The following TAF6L variants were observed in gnomAD, a reference collection of about 807,000 sequenced individuals.
TAF6L encodes the protein TAF6-like RNA polymerase II p300/CBP-associated factor-associated factor 65 kDa subunit 6L.
TAF6L carries 34 observed loss-of-function variants against 57.3 expected under a neutral mutation model. That is an observed-to-expected ratio of 0.59 (90% CI 0.45 to 0.79). TAF6L has a LOEUF of 0.79. TAF6L is among the 30% of genes least tolerant of loss of function. The pLI is 0.00. For synonymous variants in TAF6L, 417 were observed against 376.3 expected (o/e 1.11, Z -1.25); for missense variants, 782 against 853.2 (o/e 0.92, Z 1.04).
At chr11:62,778,795 G>C in intron 5 of TAF6L, 74 bp from the exon 6 acceptor site, 4 of 1,266,440 alleles carry the variant, frequency 3.2e-6, no homozygotes, top group East Asian at 2.3e-5. Flanking sequence ...TGGTGGTTGA[G>C]GGGGAGGAGG....
Position 62,786,536 on chromosome 11 carries a change from T to C in TAF6L, c.1109T>C (p.Leu370Pro). ...GAILVAVERL[L>P]KMKAQAAEPN... The stretch of plus-strand genomic sequence containing the variant: ...TTACAGGTGGCGGTAGAGCGACTGC[T>C]GAAGATGAAGGCCCAGGCAGCAGAG... Residue 370 changes from leucine to proline, a missense_variant, in exon 11 of 11, where the codon CTG becomes CCG. Coordinates refer to ENST00000294168, the MANE Select transcript of TAF6L (RefSeq NM_006473.4). 6.4e-7 allele frequency: 1 copy of C among 1,552,228 alleles called. No individual in the cohort carries two copies. Among genetic ancestry groups the C allele is most frequent in the Non-Finnish European group, 8.7e-7 (1 of 1,146,942 alleles).
chr11:62,779,600 A>G (rs957430279), intron 6 of TAF6L, among the ~76,000 whole-genome samples: 2 of 151,928 alleles, frequency 1.3e-5, no homozygotes, highest in Non-Finnish European at 2.9e-5. Context: ...TGTTGGGATG[A>G]CAGGTGTGAG....
At chr11:62,772,580 C>A (rs2084156694) in intron 1 of TAF6L, among the ~76,000 whole-genome samples, 1 of 144,618 alleles carries the variant, frequency 6.9e-6, no homozygotes, top group Admixed American at 7.1e-5. Flanking sequence ...CCTGTAATTT[C>A]AGCACTTTGG....
chr11:62,771,436 A>ACCGCCC lies in TAF6L; in HGVS notation c.-62_-57dup, dbSNP rs2084146026. ...GAGCTCGTGAGTGGGCGCCGCCGCC[A>ACCGCCC]CCGCCCCCGCCGCCGTCGTCTCGGT... is the stretch of plus-strand genomic sequence containing the variant. On this transcript the variant is annotated 5_prime_UTR_variant, in exon 1 of 11. Transcript: ENST00000294168. The ACCGCCC allele has an allele frequency of 6.4e-6, 1 of 155,852 alleles. No homozygotes were observed. Among genetic ancestry groups the ACCGCCC allele is most frequent in the Non-Finnish European group, 1.4e-5 (1 of 71,028 alleles). 9.7% of individuals were successfully genotyped at this position (155,852 alleles called of 1,614,324 possible).
chr11:62,785,413 C>T (rs951300722), intron 9 of TAF6L, among the ~76,000 whole-genome samples: 2 of 150,234 alleles, frequency 1.3e-5, no homozygotes, highest in Non-Finnish European at 3.0e-5. Context: ...GGGCTCGTCT[C>T]GAACTCCTGA....
Position 62,778,925 on chromosome 11 carries a change from A to T in TAF6L, c.493A>T (p.Thr165Ser). The T allele has an allele frequency of 1.2e-6, 2 of 1,613,600 alleles. No individual in the cohort carries two copies. The highest frequency in any genetic ancestry group is 2.2e-5 in the South Asian group (2 of 91,076). ...DDLLKYYHQV[T>S]RAVLGDDPQL... Reference sequence around the variant, plus strand: ...CCTTCTCAAGTACTATCACCAGGTGACTCGTGCTGTGCTAGGGGATGATCC... The same window carrying T: ...CCTTCTCAAGTACTATCACCAGGTGTCTCGTGCTGTGCTAGGGGATGATCC... The change falls in exon 6 of 11, where the codon ACT becomes TCT. Residue 165 changes from threonine to serine, a missense_variant. By Grantham distance (58) the Thr-to-Ser change is moderately conservative. This residue lies in a region of TAF6L where 220 missense variants were observed against 252.1 expected (regional missense o/e 0.87). Coordinates refer to ENST00000294168, the MANE Select transcript of TAF6L (RefSeq NM_006473.4).
chr11:62,771,876 A>C, intron 1 of TAF6L: 1 of 305,714 alleles, frequency 3.3e-6, no homozygotes, highest in South Asian at 2.6e-5. Context: ...CTCCCATTTT[A>C]CAGATAGGGA....
chr11:62,783,191 T>G (rs887294593), intron 9 of TAF6L, among the ~76,000 whole-genome samples: 1 of 152,164 alleles, frequency 6.6e-6, no homozygotes, highest in Non-Finnish European at 1.5e-5. Context: ...CTTTAAAAAT[T>G]AGGTGTTGGC....
At chr11:62,774,677 ACAGGTTC>A in intron 1 of TAF6L, 1 of 454,958 alleles carries the variant, frequency 2.2e-6, no homozygotes, top group South Asian at 1.6e-5. Flanking sequence ...TGTGAACAAA[ACAGGTTC>A]CAGCATTTAG....
intron 2 of TAF6L, 72 bp downstream of exon 2, chr11:62,776,002 T>C (rs2084185408): frequency 1.3e-6 from 2 of 1,515,196 alleles, no homozygotes; most frequent in Admixed American, 4.2e-5. Context: ...CCACCCTCGC[T>C]GATTTATTCA....
rs557363249 is a variant in TAF6L at position 62,785,414 on chromosome 11, G to A, written c.961-846G>A. On this transcript the variant is annotated intron_variant, in intron 9 of 10. Transcript: ENST00000294168. ...CACTGTGCTGGCCAGGGCTCGTCTC[G>A]AACTCCTGACCTCCTGATCCGCCTG... Among the ~76,000 whole-genome samples, 233 of 149,808 alleles carry A rather than the reference G, an allele frequency of 1.6e-3. 1 individual carries two copies. Among genetic ancestry groups the A allele is most frequent in the African/African-American group, 5.5e-3 (223 of 40,734 alleles).
intron 1 of TAF6L, among the ~76,000 whole-genome samples, chr11:62,773,439 C>T (rs796115273): frequency 1.1e-4 from 16 of 150,852 alleles, no homozygotes; most frequent in Admixed American, 4.7e-4. Flanking sequence ...CCACTGCGCC[C>T]GGCCTACAAT....
intron 1 of TAF6L, among the ~76,000 whole-genome samples, chr11:62,773,566 G>T (rs2084165177): frequency 6.6e-6 from 1 of 151,928 alleles, no homozygotes; most frequent in Non-Finnish European, 1.5e-5. Flanking sequence ...TCCTGCCTCA[G>T]CCTTGCGAGT....
intron 1 of TAF6L, chr11:62,772,220 C>T: frequency 2.2e-6 from 1 of 451,488 alleles, no homozygotes; most frequent in Non-Finnish European, 4.5e-6. Flanking sequence ...GTGTCTCAGG[C>T]ATAGTACAGT....
At position 62,787,317 on chromosome 11, in the gene TAF6L, T is replaced by A; in HGVS notation, c.*21T>A. 6.6e-7 allele frequency: 1 copy of A among 1,526,642 alleles called. No individual in the cohort carries two copies. Among genetic ancestry groups the A allele is most frequent in the Non-Finnish European group, 8.7e-7 (1 of 1,143,764 alleles). 94.6% of individuals were successfully genotyped at this position (1,526,642 alleles called of 1,614,324 possible). Reference sequence around the variant, plus strand: ...TCTGAGTCAGTGGCCCCTTCGTTCCTTGTAAATAAATCCCGCCCCCGGAAA... The same window carrying A: ...TCTGAGTCAGTGGCCCCTTCGTTCCATGTAAATAAATCCCGCCCCCGGAAA... On this transcript the variant is annotated 3_prime_UTR_variant, in exon 11 of 11. Transcript: ENST00000294168.
intron 1 of TAF6L, chr11:62,774,775 C>A (rs949430978): frequency 2.7e-6 from 1 of 368,612 alleles, no homozygotes; most frequent in East Asian, 8.8e-5. Flanking sequence ...ATGGCGAAAT[C>A]TTGTTTCTAC....
chr11:62,787,088 C>T lies in TAF6L; in HGVS notation c.1661C>T (p.Pro554Leu), dbSNP rs571081629. 4.1e-5 allele frequency: 63 copies of T among 1,538,608 alleles called. No individual in the cohort carries two copies. The highest frequency in any genetic ancestry group is 3.5e-4 in the Admixed American group (18 of 51,952). Residue 554 changes from proline (P) to leucine (L), a missense_variant, in exon 11 of 11, where the codon CCG becomes CTG. Pro to Leu is a moderately conservative substitution (Grantham distance 98). Coordinates refer to ENST00000294168, the MANE Select transcript of TAF6L (RefSeq NM_006473.4). ...GTTTTCCAGAAGAGCCGTTTCGCCCCGCGCGGCGCCCCGCACTTTCGTTTC... is the reference window on the plus strand; with the variant it reads ...GTTTTCCAGAAGAGCCGTTTCGCCCTGCGCGGCGCCCCGCACTTTCGTTTC... ...RDVFQKSRFA[P>L]RGAPHFRFII...
chr11:62,779,342 C>T (rs1349602886), intron 6 of TAF6L, among the ~76,000 whole-genome samples: 3 of 151,950 alleles, frequency 2.0e-5, no homozygotes, highest in Non-Finnish European at 2.9e-5. Flanking sequence ...CTACAGGTGC[C>T]CGCCAACATA....
intron 5 of TAF6L, 113 bp downstream of exon 5, chr11:62,778,448 C>T (rs2084203301): frequency 1.5e-6 from 2 of 1,314,814 alleles, no homozygotes; most frequent in Non-Finnish European, 1.1e-6. Context: ...CCCATGCCTG[C>T]CTTGTGCCAT....
Sources: gnomAD v4.1 joint callset for allele counts (sites outside exome capture counted in the v4.1 genomes callset) on GRCh38, gnomAD v4.1.1 for gene constraint, gnomAD v4.1.1 regional missense constraint, MANE v1.5 for transcripts, NCBI Gene and HGNC (gene_info 2026-07-23, HGNC 2026-07-21) for gene names.